The following DISC1 variants were observed in gnomAD, a reference collection of about 807,000 sequenced individuals.
DISC1 encodes disrupted in schizophrenia 1 protein.
DISC1 carries 57 observed loss-of-function variants against 84.5 expected under a neutral mutation model. The ratio of observed to expected loss-of-function variants is 0.67; its 90% CI spans 0.55 to 0.84. The LOEUF is 0.84. Ranked by LOEUF, DISC1 falls within the 40% of genes least tolerant of loss-of-function variation. DISC1 has a pLI of 0.00. For synonymous variants in DISC1, 411 were observed against 415.2 expected (o/e 0.99, Z 0.12); for missense variants, 1,000 against 1,057.8 (o/e 0.95, Z 0.76).
At chr1:231,748,158 A>G (rs2074218684) in intron 3 of DISC1, among the ~76,000 whole-genome samples, 1 of 152,162 alleles carries the variant, frequency 6.6e-6, no homozygotes, top group African/African-American at 2.4e-5. Context: ...GTTTTTCTAG[A>G]TATAAGAGCA....
chr1:231,912,791 TTCTTTCTTTC>T (rs1269280661), intron 9 of DISC1, among the ~76,000 whole-genome samples: 1 of 142,440 alleles, frequency 7.0e-6, no homozygotes, highest in Non-Finnish European at 1.6e-5. Context: ...CTTTCTTTCT[TTCTTTCTTTC>T]TTTCTTTTTC....
chr1:231,714,240 T>C (rs994554603), intron 3 of DISC1, among the ~76,000 whole-genome samples: 1 of 152,162 alleles, frequency 6.6e-6, no homozygotes, highest in Non-Finnish European at 1.5e-5. Context: ...CCTTGAAACA[T>C]GTAAATAGAG....
intron 1 of DISC1, among the ~76,000 whole-genome samples, chr1:231,631,773 T>TA (rs1558199624): frequency 6.6e-6 from 1 of 151,828 alleles, no homozygotes; most frequent in Non-Finnish European, 1.5e-5. Context: ...ATATATAAAG[T>TA]AAAAAAAGTT....
rs948116332 is a variant in DISC1 at position 231,660,227 on chromosome 1, C to A, written c.67+33293C>A. Among the ~76,000 whole-genome samples the A allele has an allele frequency of 2.6e-4, 40 of 152,140 alleles. 1 individual carries two copies. The highest frequency in any genetic ancestry group is 3.3e-4 in the Admixed American group (5 of 15,278). On this transcript the variant is annotated intron_variant, in intron 1 of 12. Transcript: ENST00000439617. Reference sequence around the variant, plus strand: ...ATTGAACTCTTTACCATTATTAATGCCCTTCTTTATATTTTTTGATCTTTG... The same window carrying A: ...ATTGAACTCTTTACCATTATTAATGACCTTCTTTATATTTTTTGATCTTTG...
At chr1:231,819,942 T>TA (rs1178191722) in intron 9 of DISC1, among the ~76,000 whole-genome samples, 1 of 152,114 alleles carries the variant, frequency 6.6e-6, no homozygotes. Context: ...TATCTCTTTT[T>TA]AAAAAAAGAA....
chr1:231,855,884 C>T (rs1260232784), intron 9 of DISC1, among the ~76,000 whole-genome samples: 1 of 152,170 alleles, frequency 6.6e-6, no homozygotes, highest in African/African-American at 2.4e-5. Context: ...GCTAGTTAGG[C>T]CATTAATTTT....
intron 9 of DISC1, among the ~76,000 whole-genome samples, chr1:231,914,510 A>G (rs958758382): frequency 2.6e-5 from 4 of 152,194 alleles, no homozygotes; most frequent in African/African-American, 9.6e-5. Flanking sequence ...GGGAAGGAAA[A>G]TAGCCATTGA....
intron 3 of DISC1, among the ~76,000 whole-genome samples, chr1:231,724,403 C>A (rs1169129358): frequency 6.6e-6 from 1 of 152,156 alleles, no homozygotes; most frequent in Admixed American, 6.6e-5. Flanking sequence ...TAGAACCCTG[C>A]AAACACCGCC....
chr1:231,723,629 C>A (rs548118233), intron 3 of DISC1: 1 of 985,448 alleles, frequency 1.0e-6, no homozygotes, highest in Non-Finnish European at 1.2e-6. Context: ...ACAGTCTGCT[C>A]TGGTGATTTT....
intron 9 of DISC1, among the ~76,000 whole-genome samples, chr1:231,942,515 A>G (rs2091410828): frequency 1.3e-5 from 2 of 152,086 alleles, no homozygotes; most frequent in African/African-American, 4.8e-5. Context: ...AAATACAAAA[A>G]TTAGCCTGGC....
intron 1 of DISC1, among the ~76,000 whole-genome samples, chr1:231,634,453 G>T (rs942199030): frequency 1.3e-5 from 2 of 152,132 alleles, no homozygotes; most frequent in Admixed American, 1.3e-4. Flanking sequence ...AAAAGTTTGC[G>T]TATTTCAGTA....
intron 9 of DISC1, among the ~76,000 whole-genome samples, chr1:231,867,817 T>A (rs2085167991): frequency 6.6e-6 from 1 of 152,236 alleles, no homozygotes; most frequent in African/African-American, 2.4e-5. Context: ...TGGAGCACTA[T>A]GTATGGCTTA....
chr1:231,831,233 G>C (rs1227892760), intron 9 of DISC1, among the ~76,000 whole-genome samples: 3 of 152,200 alleles, frequency 2.0e-5, no homozygotes, highest in Admixed American at 1.3e-4. Flanking sequence ...AATCCCCAAG[G>C]GGTAGTAGAA....
chr1:231,843,190 A>G (rs2083199310), intron 9 of DISC1, among the ~76,000 whole-genome samples: 1 of 152,208 alleles, frequency 6.6e-6, no homozygotes, highest in African/African-American at 2.4e-5. Flanking sequence ...GTTAAAATGG[A>G]GAAAAGTATG....
chr1:232,035,875 T>C (rs530549600), intron 12 of DISC1, among the ~76,000 whole-genome samples: 1 of 152,322 alleles, frequency 6.6e-6, no homozygotes, highest in African/African-American at 2.4e-5. Flanking sequence ...GAGAACCCGT[T>C]TCTTAAGAGA....
chr1:231,819,944 A>G (rs2125769400), intron 9 of DISC1, among the ~76,000 whole-genome samples: 1 of 152,290 alleles, frequency 6.6e-6, no homozygotes, highest in South Asian at 2.1e-4. Flanking sequence ...TCTCTTTTTA[A>G]AAAAAGAACC....
chr1:231,839,018 A>G (rs1045452746), intron 9 of DISC1, among the ~76,000 whole-genome samples: 1 of 56,598 alleles, frequency 1.8e-5, no homozygotes, highest in Non-Finnish European at 4.3e-5. Flanking sequence ...TTGAAGGATG[A>G]AATGAAGCAA....
intron 9 of DISC1, among the ~76,000 whole-genome samples, chr1:231,957,533 G>C (rs547041981): frequency 7.2e-5 from 11 of 152,292 alleles, no homozygotes; most frequent in African/African-American, 2.4e-4. Flanking sequence ...GCCTAGAACA[G>C]TGTGTGGCAC....
At chr1:231,850,975 G>A (rs1423756211) in intron 9 of DISC1, among the ~76,000 whole-genome samples, 2 of 152,174 alleles carry the variant, frequency 1.3e-5, no homozygotes, top group Non-Finnish European at 2.9e-5. Flanking sequence ...AGGGAAACCA[G>A]CACTGGCAGG....
Sources: allele counts gnomAD v4.1 joint callset (sites outside exome capture counted in the v4.1 genomes callset), GRCh38; gene constraint gnomAD v4.1.1; transcripts MANE v1.5; gene names NCBI Gene and HGNC (gene_info 2026-07-23, HGNC 2026-07-21).